The following MCM6 variants were observed in gnomAD, a reference collection of about 807,000 sequenced individuals.
MCM6 encodes minichromosome maintenance complex component 6, also known as DNA replication licensing factor MCM6.
In MCM6, 46 loss-of-function variants were observed where a neutral mutation model predicts 94.3. The observed-to-expected ratio is 0.49, with a 90% CI of 0.39 to 0.62. The LOEUF is 0.62. Among genes scored for constraint, MCM6 ranks in the 20% least tolerant of loss-of-function variants. The probability of loss-of-function intolerance (pLI) is 0.00; values close to 1 mark genes in which losing one functional copy is unlikely to be tolerated. For missense variants in MCM6, 865 were observed against 1,017.9 expected (o/e 0.85, Z 2.04); for synonymous variants, 335 against 351.9 (o/e 0.95, Z 0.54).
At chr2:135,858,077 C>G (rs1679925237) in intron 9 of MCM6, 73 bp from the exon 10 acceptor site, 1 of 1,399,862 alleles carries the variant, frequency 7.1e-7, no homozygotes, top group South Asian at 1.2e-5. Flanking sequence ...GTAATCCCAG[C>G]ACTTTGGGAG....
intron 13 of MCM6, among the ~76,000 whole-genome samples, chr2:135,850,884 A>T (rs1679769017): frequency 6.6e-6 from 1 of 152,206 alleles, no homozygotes; most frequent in Admixed American, 6.5e-5. Context: ...CCTATTAATA[A>T]AACTAGGAAA....
Position 135,862,605 on chromosome 2 carries a change from A to C in MCM6, c.1220+2T>G. On this transcript the variant is annotated splice_donor_variant, in intron 8 of 16. Coordinates refer to ENST00000264156, the MANE Select transcript of MCM6 (RefSeq NM_005915.6). LOFTEE classifies it high-confidence loss of function. Reference sequence around the variant, plus strand: ...GCAACACTGTATCAGGCAAACGCTTACTTGAGAAATTGGCTCTTAGCTGTA... The same window carrying C: ...GCAACACTGTATCAGGCAAACGCTTCCTTGAGAAATTGGCTCTTAGCTGTA... 6.2e-7 allele frequency: 1 copy of C among 1,614,112 alleles called. No homozygotes were observed. The highest frequency in any genetic ancestry group is 8.5e-7 in the Non-Finnish European group (1 of 1,180,008).
At chr2:135,872,988 C>T in intron 1 of MCM6, 145 bp from the exon 2 acceptor site, 1 of 937,358 alleles carries the variant, frequency 1.1e-6, no homozygotes, top group Non-Finnish European at 1.6e-6. Flanking sequence ...CAAGTTACTC[C>T]TCCCTTCTGA....
At chr2:135,845,716 TA>T (rs1429685629) in intron 15 of MCM6, among the ~76,000 whole-genome samples, 2 of 152,232 alleles carry the variant, frequency 1.3e-5, no homozygotes, top group Non-Finnish European at 2.9e-5. Context: ...TATAGGGTGA[TA>T]AAACTTTGAA....
chr2:135,851,636 A>G, intron 12 of MCM6, 73 bp from the exon 13 acceptor site: 1 of 1,335,958 alleles, frequency 7.5e-7, no homozygotes, highest in South Asian at 1.9e-5. Flanking sequence ...TAAGTTTAAG[A>G]GCCTTCCAGG....
chr2:135,849,530 GT>G (rs1679732493), intron 13 of MCM6, among the ~76,000 whole-genome samples: 1 of 152,128 alleles, frequency 6.6e-6, no homozygotes, highest in Admixed American at 6.5e-5. Flanking sequence ...AAAATACCAG[GT>G]TTTTCTTTAA....
At chr2:135,862,841 G>GA in intron 7 of MCM6, 93 bp from the exon 8 acceptor site, 1 of 1,332,154 alleles carries the variant, frequency 7.5e-7, no homozygotes, top group East Asian at 2.3e-5. Flanking sequence ...TTTACCAACC[G>GA]AAAGGCAGAG....
rs1213246851 is a variant in MCM6, at chr2:135,843,737, A to AAAAAAAAC, written c.2349+807_2349+808insGTTTTTTT. ...AAGAGCGAAACTCTGTCTCAAAAAA[A>AAAAAAAAC]AAAAAAAAAAACAAAACCATTCAGG... is the stretch of plus-strand genomic sequence containing the variant. On this transcript the variant is annotated intron_variant, in intron 16 of 16. Transcript: ENST00000264156. Among the ~76,000 whole-genome samples the AAAAAAAAC allele has an allele frequency of 7.7e-3, 1,153 of 150,674 alleles. 75 individuals carry two copies. The East Asian group carries it at 0.17, about 22-fold the overall frequency.
chr2:135,853,835 A>G (rs1309661710), intron 11 of MCM6, among the ~76,000 whole-genome samples: 1 of 152,244 alleles, frequency 6.6e-6, no homozygotes, highest in Non-Finnish European at 1.5e-5. Flanking sequence ...AAACAGGGTA[A>G]AATGTTATTA....
Position 135,872,720 on chromosome 2 carries a change from G to T in MCM6, c.231C>A (p.Thr77=). The change falls in exon 2 of 17, where the codon ACC becomes ACA. Residue 77 remains threonine (T), a synonymous_variant. Coordinates refer to ENST00000264156, the MANE Select transcript of MCM6 (RefSeq NM_005915.6). ...DLEQFNQQLS[T]TIQEEFYRVY... Reference sequence around the variant, plus strand: ...ACCTATAGAACTCCTCTTGAATGGTGGTGGAAAGTTGCTGGTTAAATTGTT... The same window carrying T: ...ACCTATAGAACTCCTCTTGAATGGTTGTGGAAAGTTGCTGGTTAAATTGTT... 6.2e-7 allele frequency: 1 copy of T among 1,614,114 alleles called. No individual in the cohort carries two copies. Among genetic ancestry groups the T allele is most frequent in the South Asian group, 1.1e-5 (1 of 91,068 alleles).
chr2:135,860,235 C>T (rs160329), intron 8 of MCM6, among the ~76,000 whole-genome samples: 66,700 of 151,950 alleles, frequency 0.44, 20,499 homozygotes, highest in Non-Finnish European at 0.69. Flanking sequence ...TGGGTTCATG[C>T]CATTCTCCTG....
At chr2:135,852,946 G>A in intron 11 of MCM6, 31 bp from the exon 12 acceptor site, 1 of 1,568,596 alleles carries the variant, frequency 6.4e-7, no homozygotes, top group Non-Finnish European at 8.6e-7. Flanking sequence ...CACTTTGATA[G>A]TCACAGCAAT....
chr2:135,855,201 T>C (rs1170467438), intron 11 of MCM6, among the ~76,000 whole-genome samples: 1 of 152,212 alleles, frequency 6.6e-6, no homozygotes, highest in Non-Finnish European at 1.5e-5. Context: ...AAATCTTGAA[T>C]GTTTTAAAGG....
Position 135,866,618 on chromosome 2 carries a change from AC to A in MCM6, c.725del (p.Cys242LeufsTer7). 1 of 1,614,192 alleles carries A rather than the reference AC, an allele frequency of 6.2e-7. No homozygotes were observed. The highest frequency in any genetic ancestry group is 8.5e-7 in the Non-Finnish European group (1 of 1,180,024). ...AVESAQAGDKCDFTGTLIVVP... is the reference protein window; with the variant it reads ...AVESAQAGDKXDFTGTLIVVP... ...CAACAATCAGTGTCCCTGTAAAGTC[AC>A]ACTTGTCACCAGCTTGAGCTGATTC... is the stretch of plus-strand genomic sequence containing the variant. On this transcript the variant is annotated frameshift_variant, in exon 5 of 17. Coordinates refer to ENST00000264156, the MANE Select transcript of MCM6 (RefSeq NM_005915.6). LOFTEE classifies it high-confidence loss of function.
chr2:135,859,224 T>C (rs541551514), intron 9 of MCM6, 77 bp downstream of exon 9: 1 of 1,179,450 alleles, frequency 8.5e-7, no homozygotes, highest in African/African-American at 1.5e-5. Context: ...ATCTTTTTAA[T>C]GGTAACTTAT....
Position 135,870,457 on chromosome 2 carries a change from T to C in MCM6, c.255-96A>G, listed in dbSNP as rs1181259681. ...ACAGCCGAGATTAAGGAATTTCATC[T>C]GGTTACAACTAAACCTTAGAACTTA... is the stretch of plus-strand genomic sequence containing the variant. On this transcript the variant is annotated intron_variant, in intron 2 of 16. Transcript: ENST00000264156. 7 of 810,314 alleles carry C rather than the reference T, an allele frequency of 8.6e-6. No individual in the cohort carries two copies. The Admixed American group carries it at 9.8e-5, about 11-fold the overall frequency. The allele number at this position is 810,314 out of a possible 1,614,324, so 50.2% of individuals were successfully genotyped here. A position where few individuals can be genotyped will look rare whatever the true frequency, so the allele number is the denominator to read the frequency against.
intron 11 of MCM6, 119 bp downstream of exon 11, chr2:135,856,609 C>G: frequency 1.9e-6 from 2 of 1,027,446 alleles, no homozygotes; most frequent in Non-Finnish European, 2.8e-6. Context: ...CCTGTGCCAC[C>G]CTGAGGGAAA....
At position 135,858,143 on chromosome 2, in the gene MCM6, A is replaced by G. The variant is rs534801820; in HGVS notation, c.1363-139T>C. ...CGGGCATTTGAGGTTACAGTGAGCC[A>G]TGATTGCCACTGTACTCCAGGTTAG... is the stretch of plus-strand genomic sequence containing the variant. On this transcript the variant is annotated intron_variant, in intron 9 of 16. Transcript: ENST00000264156. 15 of 732,342 alleles carry G rather than the reference A, an allele frequency of 2.0e-5. No individual in the cohort carries two copies. In the African/African-American group the frequency reaches 2.6e-4, roughly 13 times the overall value. 45.4% of individuals were successfully genotyped at this position (732,342 alleles called of 1,614,324 possible).
In MCM6 at chr2:135,876,357, G is replaced by A. The variant is rs201537325; in HGVS notation, c.9C>T (p.Leu3=). Residue 3 remains leucine (L), a synonymous_variant, in exon 1 of 17, where the codon CTC becomes CTT. Transcript: ENST00000264156. The part of the protein sequence containing the change: MD[L]AAAAEPGAGS... ...CGGCGCCCGGCTCCGCTGCCGCCGCGAGGTCCATATTTGCTTAGTGCCGAG... is the reference window on the plus strand; with the variant it reads ...CGGCGCCCGGCTCCGCTGCCGCCGCAAGGTCCATATTTGCTTAGTGCCGAG... 3.1e-3 allele frequency: 5,047 copies of A among 1,606,412 alleles called. 12 individuals are homozygous for A. The highest frequency in any genetic ancestry group is 9.0e-3 in the Admixed American group (537 of 59,590).
Sources: gnomAD v4.1 joint callset for allele counts (sites outside exome capture counted in the v4.1 genomes callset) on GRCh38, gnomAD v4.1.1 for gene constraint, MANE v1.5 for transcripts, NCBI Gene and HGNC (gene_info 2026-07-23, HGNC 2026-07-21) for gene names.